ZYG11B: variants seen among roughly 807,000 people sequenced by gnomAD.
The protein encoded by ZYG11B is zyg-11 family member B, cell cycle regulator.
ZYG11B carries 36 observed loss-of-function variants against 82.4 expected under a neutral mutation model. The ratio of observed to expected loss-of-function variants is 0.44; its 90% CI spans 0.33 to 0.58. The LOEUF is 0.58. ZYG11B is among the 20% of genes least tolerant of loss of function. The pLI is 0.02. For missense variants in ZYG11B, 552 were observed against 895.6 expected, an observed-to-expected ratio of 0.62 and a Z score of 4.90; for synonymous variants, 303 against 312.8, an observed-to-expected ratio of 0.97 and a Z score of 0.33.
intron 2 of ZYG11B, among the ~76,000 whole-genome samples, chr1:52,759,356 A>C (rs1402242070): frequency 6.6e-6 from 1 of 152,240 alleles, no homozygotes; most frequent in Non-Finnish European, 1.5e-5. Context: ...AGCTAATAGT[A>C]GTAGTTAACA....
At chr1:52,801,497 T>C (rs1317087992) in intron 8 of ZYG11B, among the ~76,000 whole-genome samples, 4 of 151,918 alleles carry the variant, frequency 2.6e-5, no homozygotes, top group African/African-American at 9.7e-5. Flanking sequence ...TTCTTTTCCT[T>C]TGCCTTTTTA....
intron 1 of ZYG11B, among the ~76,000 whole-genome samples, chr1:52,750,063 T>C (rs1341123687): frequency 6.6e-6 from 1 of 152,222 alleles, no homozygotes; most frequent in Non-Finnish European, 1.5e-5. Flanking sequence ...TATTTATTTC[T>C]AGTCTTGTGT....
intron 13 of ZYG11B, 151 bp downstream of exon 13, chr1:52,816,780 C>CTTTT (rs71044423): frequency 1.7e-4 from 45 of 264,208 alleles, no homozygotes; most frequent in African/African-American, 4.7e-4. Flanking sequence ...TTAAGGTATT[C>CTTTT]TTTTTTTTTT....
At chr1:52,733,618 A>G (rs988675913) in intron 1 of ZYG11B, among the ~76,000 whole-genome samples, 5 of 152,106 alleles carry the variant, frequency 3.3e-5, no homozygotes, top group Non-Finnish European at 7.4e-5. Flanking sequence ...CAGGGTTCAC[A>G]CCACTGCACT....
intron 6 of ZYG11B, among the ~76,000 whole-genome samples, chr1:52,791,533 T>C (rs919598124): frequency 1.3e-5 from 2 of 151,884 alleles, no homozygotes; most frequent in Admixed American, 1.3e-4. Context: ...CATACCCGGC[T>C]AATTTTTGTA....
chr1:52,780,043 A>C (rs1351233520), intron 4 of ZYG11B, 50 bp downstream of exon 4: 1 of 1,543,180 alleles, frequency 6.5e-7, no homozygotes, highest in East Asian at 2.3e-5. Context: ...CTCCCTGGGC[A>C]GATGATTTTT....
intron 1 of ZYG11B, among the ~76,000 whole-genome samples, chr1:52,751,317 C>T (rs1644521910): frequency 8.7e-6 from 1 of 114,630 alleles, no homozygotes; most frequent in Admixed American, 1.0e-4. Flanking sequence ...TGGGTTGTTT[C>T]TACTATGATA....
At chr1:52,811,713 G>T (rs12094237) in intron 10 of ZYG11B, among the ~76,000 whole-genome samples, 16,222 of 149,200 alleles carry the variant, frequency 0.11, 1,922 homozygotes, top group East Asian at 0.35. Flanking sequence ...ACTTAGTTTT[G>T]TTTTTTTTTT....
chr1:52,744,854 A>G (rs995550958), intron 1 of ZYG11B, among the ~76,000 whole-genome samples: 4 of 152,074 alleles, frequency 2.6e-5, no homozygotes, highest in African/African-American at 9.7e-5. Context: ...AAAAAAATAT[A>G]TTTCTAGAGA....
chr1:52,755,257 G>T (rs910750738), intron 1 of ZYG11B, among the ~76,000 whole-genome samples: 1 of 151,846 alleles, frequency 6.6e-6, no homozygotes, highest in South Asian at 2.1e-4. Flanking sequence ...CACTGCACCC[G>T]GCCAAAAAGC....
intron 13 of ZYG11B, among the ~76,000 whole-genome samples, chr1:52,818,946 A>G (rs1645257807): frequency 1.3e-5 from 2 of 152,018 alleles, no homozygotes; most frequent in South Asian, 4.1e-4. Flanking sequence ...GGAACACGCC[A>G]CCATGCCCAG....
chr1:52,799,804 A>T (rs1416464049), intron 8 of ZYG11B, among the ~76,000 whole-genome samples: 2 of 152,056 alleles, frequency 1.3e-5, no homozygotes, highest in African/African-American at 4.8e-5. Context: ...CAAAAAAAGA[A>T]GAAAAAGGAA....
chr1:52,740,598 C>CT lies in ZYG11B; in HGVS notation c.30+13916dup, dbSNP rs1360265807. 2.2e-5 allele frequency among the ~76,000 whole-genome samples: 3 copies of CT among 134,236 alleles called. No individual in the cohort carries two copies. In the Admixed American group the frequency reaches 2.4e-4, roughly 11 times the overall value. The allele number at this position is 134,236 out of a possible 152,430, so 88.1% of individuals were successfully genotyped here. A position where few individuals can be genotyped will look rare whatever the true frequency, so the allele number is the denominator to read the frequency against. ...TTTTTTTTTTTTTGAGACAGGGTCT[C>CT]TGTCACCCAGGCTGGGTGCAAGTGG... On this transcript the variant is annotated intron_variant, in intron 1 of 13. Coordinates refer to ENST00000294353, the MANE Select transcript of ZYG11B (RefSeq NM_024646.3).
At chr1:52,802,602 C>T (rs1161351890) in intron 10 of ZYG11B, among the ~76,000 whole-genome samples, 4 of 151,650 alleles carry the variant, frequency 2.6e-5, no homozygotes, top group African/African-American at 4.8e-5. Flanking sequence ...CCTCCTACCT[C>T]GGCCTCCCAA....
At chr1:52,807,589 T>C (rs759193165) in intron 10 of ZYG11B, among the ~76,000 whole-genome samples, 12 of 150,572 alleles carry the variant, frequency 8.0e-5, no homozygotes, top group Non-Finnish European at 1.8e-4. Context: ...CCTCCTGGGC[T>C]AAAGCAATTC....
At chr1:52,770,087 TATA>T (rs1267503387) in intron 2 of ZYG11B, among the ~76,000 whole-genome samples, 8 of 76,442 alleles carry the variant, frequency 1.0e-4, no homozygotes, top group African/African-American at 2.8e-4. Context: ...TATATATATA[TATA>T]TATTTTTTTT....
chr1:52,804,335 G>A (rs1483016426), intron 10 of ZYG11B, among the ~76,000 whole-genome samples: 2 of 152,106 alleles, frequency 1.3e-5, no homozygotes, highest in East Asian at 1.9e-4. Context: ...TACGAAGGCC[G>A]AGTATAGTGG....
At chr1:52,794,227 GC>G (rs1380563124) in intron 6 of ZYG11B, among the ~76,000 whole-genome samples, 2 of 151,992 alleles carry the variant, frequency 1.3e-5, no homozygotes, top group African/African-American at 2.4e-5. Flanking sequence ...GCCCACCTCG[GC>G]CTCCCAAAGT....
At chr1:52,806,078 AATT>A (rs1645139487) in intron 10 of ZYG11B, among the ~76,000 whole-genome samples, 1 of 152,090 alleles carries the variant, frequency 6.6e-6, no homozygotes, top group South Asian at 2.1e-4. Flanking sequence ...TTTTTTCAAT[AATT>A]TAATTTGAGA....
Sources: gnomAD v4.1 joint callset for allele counts (sites outside exome capture counted in the v4.1 genomes callset) on GRCh38, gnomAD v4.1.1 for gene constraint, MANE v1.5 for transcripts, NCBI Gene and HGNC (gene_info 2026-07-23, HGNC 2026-07-21) for gene names.